Variants in MACROD2 observed in about 807,000 individuals in gnomAD.
The protein encoded by MACROD2 is mono-ADP ribosylhydrolase 2.
MACROD2 carries 36 observed loss-of-function variants against 70.4 expected under a neutral mutation model. The observed-to-expected ratio is 0.51, with a 90% CI of 0.39 to 0.68. MACROD2 has a LOEUF of 0.68. Among genes scored for constraint, MACROD2 ranks in the 30% least tolerant of loss-of-function variants. The pLI is 0.00. For missense variants in MACROD2, 496 were observed against 538.4 expected, an observed-to-expected ratio of 0.92 and a Z score of 0.78; for synonymous variants, 172 against 178.8, an observed-to-expected ratio of 0.96 and a Z score of 0.30.
At chr20:14,114,177 T>G (rs764902238) in intron 3 of MACROD2, among the ~76,000 whole-genome samples, 3 of 151,956 alleles carry the variant, frequency 2.0e-5, no homozygotes, top group Non-Finnish European at 4.4e-5. Context: ...AAGTATCTGC[T>G]AAAGCAATTT....
intron 3 of MACROD2, among the ~76,000 whole-genome samples, chr20:14,117,634 G>T (rs1248459659): frequency 1.3e-5 from 2 of 152,122 alleles, no homozygotes; most frequent in Admixed American, 1.3e-4. Context: ...TTCAGGAATG[G>T]TATGTGTAGG....
chr20:15,879,455 G>A (rs1025517876), intron 9 of MACROD2, among the ~76,000 whole-genome samples: 1 of 152,126 alleles, frequency 6.6e-6, no homozygotes, highest in African/African-American at 2.4e-5. Flanking sequence ...TCATTAATAT[G>A]TAATGGCACA....
At chr20:14,856,363 AAC>A (rs1274628306) in intron 5 of MACROD2, among the ~76,000 whole-genome samples, 3 of 152,190 alleles carry the variant, frequency 2.0e-5, no homozygotes, top group Non-Finnish European at 4.4e-5. Flanking sequence ...GGTTTAATAA[AAC>A]ACAGCCAGCA....
intron 5 of MACROD2, among the ~76,000 whole-genome samples, chr20:15,014,020 C>G (rs2075103056): frequency 6.6e-6 from 1 of 152,226 alleles, no homozygotes; most frequent in Non-Finnish European, 1.5e-5. Context: ...ATATGGCATT[C>G]AGTGTGCAGT....
At chr20:14,543,852 A>G (rs1048720400) in intron 4 of MACROD2, among the ~76,000 whole-genome samples, 5 of 152,202 alleles carry the variant, frequency 3.3e-5, no homozygotes, top group Admixed American at 2.6e-4. Flanking sequence ...GTTTTCTAAC[A>G]TTTCTCTTTC....
At chr20:14,551,500 A>G (rs566569204) in intron 4 of MACROD2, among the ~76,000 whole-genome samples, 2 of 152,314 alleles carry the variant, frequency 1.3e-5, no homozygotes, top group African/African-American at 4.8e-5. Flanking sequence ...GTTGAGGAAA[A>G]TAGGCACATT....
At chr20:14,920,398 A>G (rs1480759982) in intron 5 of MACROD2, among the ~76,000 whole-genome samples, 1 of 152,184 alleles carries the variant, frequency 6.6e-6, no homozygotes, top group Non-Finnish European at 1.5e-5. Flanking sequence ...AATGTTTCCT[A>G]AATGTAAATA....
chr20:14,568,065 C>A (rs1979925064), intron 4 of MACROD2, among the ~76,000 whole-genome samples: 1 of 151,988 alleles, frequency 6.6e-6, no homozygotes, highest in Admixed American at 6.6e-5. Context: ...ATTAGAAATG[C>A]ATTAGGAAAA....
intron 6 of MACROD2, among the ~76,000 whole-genome samples, chr20:15,350,481 A>G (rs775437532): frequency 6.6e-6 from 1 of 152,232 alleles, no homozygotes; most frequent in South Asian, 2.1e-4. Flanking sequence ...CCAAATTGAT[A>G]TTAAATATTC....
Position 15,696,757 on chromosome 20 carries a change from T to C in MACROD2, c.646-165988T>C, listed in dbSNP as rs567366057. Among the ~76,000 whole-genome samples, 4 of 150,192 alleles carry C rather than the reference T, an allele frequency of 2.7e-5. No individual in the cohort carries two copies. In the South Asian group the frequency reaches 8.5e-4, roughly 32 times the overall value. ...TTGTTATTGGTCTATTCAGGGTATC[T>C]AATTCTTCATGATTTAAGCTAGGAG... On this transcript the variant is annotated intron_variant, in intron 8 of 17. Transcript: ENST00000684519.
At chr20:14,756,584 GC>G (rs936410745) in intron 5 of MACROD2, among the ~76,000 whole-genome samples, 1 of 152,066 alleles carries the variant, frequency 6.6e-6, no homozygotes, top group African/African-American at 2.4e-5. Flanking sequence ...AGCTTGTCAA[GC>G]CCCTTCATGG....
chr20:15,196,805 T>C, intron 5 of MACROD2: 1 of 938,700 alleles, frequency 1.1e-6, no homozygotes, highest in South Asian at 4.9e-5. Context: ...AATATTTCTC[T>C]ACCCCTCCCT....
Position 14,318,997 on chromosome 20 carries a change from T to A in MACROD2, c.272-174482T>A, listed in dbSNP as rs770927531. On this transcript the variant is annotated intron_variant, in intron 3 of 17. Coordinates refer to ENST00000684519, the MANE Select transcript of MACROD2 (RefSeq NM_001351661.2). ...CTACCAACATTTGATTAAAGTAGGG[T>A]AGGGGAGAGGTGTGGGATGTAGGTA... is the stretch of plus-strand genomic sequence containing the variant. Among the ~76,000 whole-genome samples the A allele has an allele frequency of 4.1e-4, 63 of 152,204 alleles. 1 individual carries two copies. Among genetic ancestry groups the A allele is most frequent in the Admixed American group, 2.6e-3 (40 of 15,278 alleles).
chr20:14,801,520 A>G (rs2072575446), intron 5 of MACROD2, among the ~76,000 whole-genome samples: 1 of 152,094 alleles, frequency 6.6e-6, no homozygotes, highest in Non-Finnish European at 1.5e-5. Context: ...ATATTCTCAC[A>G]CCAGGAGTTT....
At chr20:14,229,110 TATAA>T (rs2081775560) in intron 3 of MACROD2, among the ~76,000 whole-genome samples, 2 of 152,248 alleles carry the variant, frequency 1.3e-5, no homozygotes, top group East Asian at 3.9e-4. Context: ...GTTGCAAAAC[TATAA>T]AACTTTAGGA....
intron 5 of MACROD2, among the ~76,000 whole-genome samples, chr20:14,806,028 A>G (rs1163896753): frequency 1.3e-5 from 2 of 151,716 alleles, no homozygotes; most frequent in Non-Finnish European, 2.9e-5. Flanking sequence ...CATTAAAAAT[A>G]GTGCCTGGTA....
chr20:15,376,816 A>T (rs8118849), intron 6 of MACROD2, among the ~76,000 whole-genome samples: 3,193 of 152,324 alleles, frequency 0.021, 106 homozygotes, highest in African/African-American at 0.073. Flanking sequence ...AATTCAAATG[A>T]TCTGACTTCC....
chr20:15,399,065 C>G (rs147733808), intron 6 of MACROD2, among the ~76,000 whole-genome samples: 1 of 152,120 alleles, frequency 6.6e-6, no homozygotes, highest in Non-Finnish European at 1.5e-5. Context: ...CATTAATTAT[C>G]GCTGTGCCAT....
intron 5 of MACROD2, among the ~76,000 whole-genome samples, chr20:14,974,054 G>T (rs2074716060): frequency 6.6e-6 from 1 of 152,194 alleles, no homozygotes; most frequent in Non-Finnish European, 1.5e-5. Flanking sequence ...TTTGGAAATT[G>T]CTGCATCACT....
Sources: allele counts gnomAD v4.1 joint callset (sites outside exome capture counted in the v4.1 genomes callset), GRCh38; gene constraint gnomAD v4.1.1; transcripts MANE v1.5; gene names NCBI Gene and HGNC (gene_info 2026-07-23, HGNC 2026-07-21).